TSPAN12: variants seen among roughly 807,000 people sequenced by gnomAD.
TSPAN12 encodes the protein tetraspanin 12.
In TSPAN12, 19 loss-of-function variants were observed where a neutral mutation model predicts 39.2. The ratio of observed to expected loss-of-function variants is 0.49; its 90% CI spans 0.34 to 0.71. TSPAN12 has a LOEUF of 0.71. TSPAN12 is among the 30% of genes least tolerant of loss of function. The probability of loss-of-function intolerance (pLI) is 0.01; values close to 1 mark genes in which losing one functional copy is unlikely to be tolerated. For missense variants in TSPAN12, 314 were observed against 359.9 expected, an observed-to-expected ratio of 0.87 and a Z score of 1.03; for synonymous variants, 119 against 124.8, an observed-to-expected ratio of 0.95 and a Z score of 0.31.
intron 7 of TSPAN12, among the ~76,000 whole-genome samples, chr7:120,800,401 G>T (rs988979929): frequency 6.6e-6 from 1 of 152,056 alleles, no homozygotes; most frequent in Non-Finnish European, 1.5e-5. Flanking sequence ...TTGGTAAGCT[G>T]GTAAGAATGG....
chr7:120,857,569 C>G (rs1794898443), intron 1 of TSPAN12, among the ~76,000 whole-genome samples: 1 of 152,036 alleles, frequency 6.6e-6, no homozygotes, highest in African/African-American at 2.4e-5. Flanking sequence ...GTTAGTCATT[C>G]AAACCCCGCT....
intron 4 of TSPAN12, among the ~76,000 whole-genome samples, chr7:120,822,510 T>C (rs187523182): frequency 1.3e-5 from 2 of 151,798 alleles, no homozygotes; most frequent in East Asian, 1.9e-4. Context: ...TAACAGCAAG[T>C]ATATTTTGGA....
At chr7:120,848,853 A>G (rs570021429) in intron 2 of TSPAN12, among the ~76,000 whole-genome samples, 1 of 152,358 alleles carries the variant, frequency 6.6e-6, no homozygotes, top group East Asian at 1.9e-4. Context: ...AATGATAACA[A>G]TAAAAACAAA....
At chr7:120,792,252 T>A (rs1331479211) in intron 7 of TSPAN12, among the ~76,000 whole-genome samples, 1 of 152,192 alleles carries the variant, frequency 6.6e-6, no homozygotes, top group Non-Finnish European at 1.5e-5. Flanking sequence ...CCCGGAGGAT[T>A]GCTACTGTAT....
At chr7:120,835,434 G>GA (rs1794458731) in intron 4 of TSPAN12, among the ~76,000 whole-genome samples, 1 of 152,000 alleles carries the variant, frequency 6.6e-6, no homozygotes, top group Non-Finnish European at 1.5e-5. Flanking sequence ...AAACACTTAG[G>GA]AAAAAAATCA....
intron 6 of TSPAN12, among the ~76,000 whole-genome samples, chr7:120,808,531 A>T (rs1378405428): frequency 1.3e-5 from 2 of 152,198 alleles, no homozygotes; most frequent in Non-Finnish European, 2.9e-5. Flanking sequence ...ACATATGAGT[A>T]AACTGAGGCC....
chr7:120,830,434 G>A (rs1004033460), intron 4 of TSPAN12, among the ~76,000 whole-genome samples: 1 of 151,954 alleles, frequency 6.6e-6, no homozygotes, highest in African/African-American at 2.4e-5. Flanking sequence ...CAGCATGGTA[G>A]TAGCCTAAAA....
intron 4 of TSPAN12, among the ~76,000 whole-genome samples, chr7:120,835,376 C>T (rs1038354890): frequency 3.3e-5 from 5 of 152,018 alleles, no homozygotes; most frequent in Non-Finnish European, 4.4e-5. Flanking sequence ...AGATAATTGT[C>T]GTCAGGTTTA....
chr7:120,858,213 G>A (rs1055361170), upstream of TSPAN12: 2 of 152,302 alleles, frequency 1.3e-5, no homozygotes, highest in Non-Finnish European at 2.9e-5. Flanking sequence ...CCCAGCGAGA[G>A]TCCCCAAAGG....
chr7:120,842,559 T>C (rs1343082967), intron 2 of TSPAN12, among the ~76,000 whole-genome samples: 1 of 151,986 alleles, frequency 6.6e-6, no homozygotes, highest in Non-Finnish European at 1.5e-5. Flanking sequence ...GCTGTTGGGC[T>C]TCGACGTGCC....
chr7:120,810,624 T>TCC, intron 5 of TSPAN12, 54 bp from the exon 6 acceptor site: 1 of 715,722 alleles, frequency 1.4e-6, no homozygotes, highest in Non-Finnish European at 2.6e-6. Flanking sequence ...AGACACAGAT[T>TCC]CACACACACA....
At chr7:120,797,156 C>CA (rs1412245162) in intron 7 of TSPAN12, among the ~76,000 whole-genome samples, 2 of 152,058 alleles carry the variant, frequency 1.3e-5, no homozygotes, top group East Asian at 1.9e-4. Flanking sequence ...GATTTCATCT[C>CA]AAAAAAAAGA....
intron 7 of TSPAN12, 82 bp from the exon 8 acceptor site, chr7:120,788,979 A>G: frequency 7.1e-7 from 1 of 1,404,694 alleles, no homozygotes; most frequent in East Asian, 2.3e-5. Context: ...AACAATCTGT[A>G]TCAGTTAATG....
At chr7:120,840,401 T>C (rs561996133) in intron 2 of TSPAN12, among the ~76,000 whole-genome samples, 2 of 152,148 alleles carry the variant, frequency 1.3e-5, no homozygotes, top group Non-Finnish European at 2.9e-5. Context: ...ACAAATAAAT[T>C]ATCAAACATA....
chr7:120,845,876 G>A (rs539202971), intron 2 of TSPAN12, among the ~76,000 whole-genome samples: 88 of 152,226 alleles, frequency 5.8e-4, no homozygotes, highest in East Asian at 9.6e-4. Context: ...ACATATTCAG[G>A]TATGTTTATA....
chr7:120,808,404 C>T (rs1793915356), intron 6 of TSPAN12, among the ~76,000 whole-genome samples: 2 of 152,096 alleles, frequency 1.3e-5, no homozygotes, highest in African/African-American at 2.4e-5. Flanking sequence ...CAACATCATA[C>T]CAACATATTA....
At position 120,806,548 on chromosome 7, in the gene TSPAN12, C is replaced by T; in HGVS notation, c.612+1G>A. 6.2e-7 allele frequency: 1 copy of T among 1,613,044 alleles called. No homozygotes were observed. Among genetic ancestry groups the T allele is most frequent in the Non-Finnish European group, 8.5e-7 (1 of 1,179,288 alleles). ...AATAAATTAACCATATATGGCCTCA[C>T]CTCTTGATAAAGGTCACTGAGATCT... On this transcript the variant is annotated splice_donor_variant, in intron 7 of 7. Coordinates refer to ENST00000222747, the MANE Select transcript of TSPAN12 (RefSeq NM_012338.4). LOFTEE classifies it high-confidence loss of function.
At chr7:120,819,890 T>C (rs1419537784) in intron 4 of TSPAN12, among the ~76,000 whole-genome samples, 1 of 152,178 alleles carries the variant, frequency 6.6e-6, no homozygotes, top group African/African-American at 2.4e-5. Flanking sequence ...TTGAAGCATC[T>C]ATAAAGCATG....
At chr7:120,815,890 G>T in intron 4 of TSPAN12, 87 bp from the exon 5 acceptor site, 1 of 1,249,832 alleles carries the variant, frequency 8.0e-7, no homozygotes, top group Non-Finnish European at 1.1e-6. Flanking sequence ...TTTACCTAGT[G>T]ACCAAGAAAA....
Sources: allele counts gnomAD v4.1 joint callset (sites outside exome capture counted in the v4.1 genomes callset), GRCh38; gene constraint gnomAD v4.1.1; transcripts MANE v1.5; gene names NCBI Gene and HGNC (gene_info 2026-07-23, HGNC 2026-07-21).